Variants in MARCHF10 observed in about 807,000 individuals in gnomAD.
MARCHF10 encodes probable E3 ubiquitin-protein ligase MARCHF10.
MARCHF10 carries 64 observed loss-of-function variants against 76.2 expected under a neutral mutation model. That is an observed-to-expected ratio of 0.84 (90% CI 0.69 to 1.03). The LOEUF (loss-of-function observed/expected upper bound fraction) is 1.03, where lower values mean the gene tolerates loss of function less well. MARCHF10 is among the 50% of genes least tolerant of loss of function. The probability of loss-of-function intolerance (pLI) is 0.00; values close to 1 mark genes in which losing one functional copy is unlikely to be tolerated. For missense variants in MARCHF10, 875 were observed against 958.0 expected (o/e 0.91, Z 1.14); for synonymous variants, 340 against 357.5 (o/e 0.95, Z 0.55).
At position 62,738,628 on chromosome 17, in the gene MARCHF10, C is replaced by T. The variant is rs191784416; in HGVS notation, c.536-1296G>A. On this transcript the variant is annotated intron_variant, in intron 5 of 10. Coordinates refer to ENST00000311269, the MANE Select transcript of MARCHF10 (RefSeq NM_152598.4). The surrounding 1 kb of genome is among the most constrained non-coding windows in gnomAD (Gnocchi z 4.0). ...GGTGAAATGCAAATCCTCAGAGCAT[C>T]GGGCACCACCAAGGGCCAAGTCAAT... Among the ~76,000 whole-genome samples, 33 of 152,266 alleles carry T rather than the reference C, an allele frequency of 2.2e-4. No individual in the cohort carries two copies. In the East Asian group the frequency reaches 4.8e-3, roughly 22 times the overall value.
At position 62,737,025 on chromosome 17, in the gene MARCHF10, T is replaced by C; in HGVS notation, c.843A>G (p.Ser281=). 1 of 1,614,174 alleles carries C rather than the reference T, an allele frequency of 6.2e-7. No homozygotes were observed. Among genetic ancestry groups the C allele is most frequent in the Non-Finnish European group, 8.5e-7 (1 of 1,180,024 alleles). Residue 281 remains serine, a synonymous_variant, in exon 6 of 11, where the codon TCA becomes TCG. Transcript: ENST00000311269. The part of the protein sequence containing the change: ...FRDEDFYSIL[S]LNSRRESDDT... ...CATCGCTTTCTCTTCTGCTGTTCAATGACAAAATGGAATAAAAGTCTTCAT... is the reference window on the plus strand; with the variant it reads ...CATCGCTTTCTCTTCTGCTGTTCAACGACAAAATGGAATAAAAGTCTTCAT...
rs561594800 is a variant in MARCHF10, at chr17:62,754,702, CCT to C, written c.382+5131_382+5132del. On this transcript the variant is annotated intron_variant, in intron 4 of 10. Transcript: ENST00000311269. The stretch of plus-strand genomic sequence containing the variant: ...GGGCTCTGCGACAACCCCGAGCCCC[CCT>C]GTCTTGAGAGCATGTATCATAATAG... Among the ~76,000 whole-genome samples, 14 of 152,152 alleles carry C rather than the reference CCT, an allele frequency of 9.2e-5. No homozygotes were observed. The South Asian group carries it at 2.1e-3, about 23-fold the overall frequency.
In MARCHF10 at chr17:62,715,263, AGAAG is replaced by A. The variant is rs570837409; in HGVS notation, c.2215-3923_2215-3920del. Among the ~76,000 whole-genome samples, 22 of 152,362 alleles carry A rather than the reference AGAAG, an allele frequency of 1.4e-4. 1 individual carries two copies. The South Asian group carries it at 4.6e-3, about 32-fold the overall frequency. ...TGCTCTGGTTGGATGGAAGGAAGCAAGAAGGAAGGTAGAAAAGAAGAGCATGACC... is the reference window on the plus strand; with the variant it reads ...TGCTCTGGTTGGATGGAAGGAAGCAAGAAGGTAGAAAAGAAGAGCATGACC... On this transcript the variant is annotated intron_variant, in intron 8 of 10. Transcript: ENST00000311269.
At chr17:62,791,732 G>A (rs1345277409) in intron 2 of MARCHF10, among the ~76,000 whole-genome samples, 1 of 152,162 alleles carries the variant, frequency 6.6e-6, no homozygotes, top group African/African-American at 2.4e-5. Context: ...CACAGTCGTA[G>A]AAGCAGCAAG....
chr17:62,775,688 TAA>T (rs1336001256), intron 3 of MARCHF10, among the ~76,000 whole-genome samples: 1 of 152,114 alleles, frequency 6.6e-6, no homozygotes. Flanking sequence ...AAAAACAAAA[TAA>T]AAGAGTTTTA....
intron 10 of MARCHF10, 40 bp from the exon 11 acceptor site, chr17:62,701,798 C>A (rs747082381): frequency 6.2e-6 from 10 of 1,613,118 alleles, no homozygotes; most frequent in Non-Finnish European, 8.5e-6. Context: ...AGGGCCGCAG[C>A]AGACCGTGGG....
chr17:62,769,365 T>C (rs920989200), intron 3 of MARCHF10, among the ~76,000 whole-genome samples: 1 of 152,226 alleles, frequency 6.6e-6, no homozygotes, highest in Non-Finnish European at 1.5e-5. Flanking sequence ...TTTGCCTATA[T>C]TGATAATTAC....
chr17:62,758,741 C>T (rs2092114982), intron 4 of MARCHF10, among the ~76,000 whole-genome samples: 1 of 152,124 alleles, frequency 6.6e-6, no homozygotes, highest in Admixed American at 6.5e-5. Flanking sequence ...GTGGTTGCAC[C>T]GCAGAAGCTA....
intron 6 of MARCHF10, among the ~76,000 whole-genome samples, chr17:62,734,798 A>G (rs1045645991): frequency 6.6e-6 from 1 of 152,222 alleles, no homozygotes. Context: ...TACACGAATA[A>G]TAGCTGTTTA....
At chr17:62,761,345 C>A (rs1469774713) in intron 3 of MARCHF10, among the ~76,000 whole-genome samples, 1 of 152,182 alleles carries the variant, frequency 6.6e-6, no homozygotes, top group Non-Finnish European at 1.5e-5. Context: ...CTTTCCTTTT[C>A]GATTTTGCTA....
intron 2 of MARCHF10, among the ~76,000 whole-genome samples, chr17:62,800,239 G>T (rs977333906): frequency 2.6e-5 from 4 of 152,126 alleles, no homozygotes; most frequent in African/African-American, 9.7e-5. Context: ...AAATAAAACG[G>T]CAACGGCTCA....
At chr17:62,769,150 G>C (rs936874627) in intron 3 of MARCHF10, among the ~76,000 whole-genome samples, 7 of 152,136 alleles carry the variant, frequency 4.6e-5, no homozygotes, top group Admixed American at 4.6e-4. Context: ...CTATCAGCAG[G>C]TGCCTTGTTA....
rs560951534 is a variant in MARCHF10 at position 62,774,814 on chromosome 17, G to C, written c.210+13666C>G. Among the ~76,000 whole-genome samples, 10 of 152,200 alleles carry C rather than the reference G, an allele frequency of 6.6e-5. No individual in the cohort carries two copies. In the South Asian group the frequency reaches 2.1e-3, roughly 32 times the overall value. Reference sequence around the variant, plus strand: ...CTCACGCCTGTAATCTCAGCACTTTGGGAGGCTGAGGTGAGTGGATCACGA... The same window carrying C: ...CTCACGCCTGTAATCTCAGCACTTTCGGAGGCTGAGGTGAGTGGATCACGA... On this transcript the variant is annotated intron_variant, in intron 3 of 10. Coordinates refer to ENST00000311269, the MANE Select transcript of MARCHF10 (RefSeq NM_152598.4).
chr17:62,793,529 TCACCACCACCACCACCTCCACTGC>T (rs2092921950), intron 2 of MARCHF10, among the ~76,000 whole-genome samples: 25 of 27,028 alleles, frequency 9.2e-4, no homozygotes, highest in Admixed American at 6.5e-3. Flanking sequence ...ACCACCTCCA[TCACCACCACCACCACCTCCACTGC>T]CACCACCACC....
intron 6 of MARCHF10, chr17:62,735,670 A>C: frequency 2.2e-6 from 1 of 445,428 alleles, no homozygotes; most frequent in Non-Finnish European, 3.9e-6. Context: ...TATACCCAGC[A>C]GACTTAAGGG....
chr17:62,741,071 C>T (rs999304426), intron 5 of MARCHF10, among the ~76,000 whole-genome samples: 1 of 152,176 alleles, frequency 6.6e-6, no homozygotes, highest in Non-Finnish European at 1.5e-5. Flanking sequence ...TAACCCAGGG[C>T]TCTCTTATCA....
chr17:62,706,679 G>A (rs932837674), intron 9 of MARCHF10, among the ~76,000 whole-genome samples: 7 of 152,224 alleles, frequency 4.6e-5, no homozygotes, highest in South Asian at 4.2e-4. Context: ...GGCCAGCCCC[G>A]GGGCTCCCTT....
intron 3 of MARCHF10, among the ~76,000 whole-genome samples, chr17:62,787,462 A>G (rs962560998): frequency 6.6e-6 from 1 of 152,174 alleles, no homozygotes; most frequent in Non-Finnish European, 1.5e-5. Context: ...ATTAAATAGG[A>G]ATTCATAAAA....
At chr17:62,732,720 C>T (rs561510518) in intron 6 of MARCHF10, among the ~76,000 whole-genome samples, 1 of 152,156 alleles carries the variant, frequency 6.6e-6, no homozygotes, top group South Asian at 2.1e-4. Context: ...GGGCCGGGCA[C>T]GGTGGTTCAA....
Sources: gnomAD v4.1 joint callset for allele counts (sites outside exome capture counted in the v4.1 genomes callset) on GRCh38, gnomAD v4.1.1 for gene constraint, Gnocchi (gnomAD v3.1) non-coding constraint, MANE v1.5 for transcripts, NCBI Gene and HGNC (gene_info 2026-07-23, HGNC 2026-07-21) for gene names.